Variants in CDH18 observed in about 807,000 individuals in gnomAD.
The protein encoded by CDH18 is cadherin 18, also known as cadherin-18.
A neutral mutation model predicts 67.9 loss-of-function variants in CDH18; 31 were observed. The observed-to-expected ratio is 0.46, with a 90% CI of 0.34 to 0.62. CDH18 has a LOEUF of 0.62. Among genes scored for constraint, CDH18 ranks in the 20% least tolerant of loss-of-function variants. The pLI, the probability that CDH18 is intolerant of heterozygous loss-of-function variation, is 0.01. For synonymous variants in CDH18, 362 were observed against 347.2 expected, an observed-to-expected ratio of 1.04 and a Z score of -0.48; for missense variants, 890 against 975.5, an observed-to-expected ratio of 0.91 and a Z score of 1.17.
intron 1 of CDH18, among the ~76,000 whole-genome samples, chr5:20,471,123 C>A (rs1266187074): frequency 6.6e-6 from 1 of 152,138 alleles, no homozygotes; most frequent in Non-Finnish European, 1.5e-5. Context: ...TCTATTGAAT[C>A]TATTTTTGTA....
In CDH18 at chr5:19,520,666, C is replaced by T. The variant is rs534335245; in HGVS notation, c.1503G>A (p.Lys501=). 1.4e-4 allele frequency: 222 copies of T among 1,610,280 alleles called. 3 individuals carry two copies. In the South Asian group the frequency reaches 2.2e-3, roughly 16 times the overall value. The change falls in exon 10 of 13, where the codon AAG becomes AAA. Residue 501 remains lysine, a synonymous_variant. Coordinates refer to ENST00000382275, the MANE Select transcript of CDH18 (RefSeq NM_004934.5). ...GAAACAATTAACTTACCTGGCCAGG[C>T]TTAGAATTTTCACATACAATAATAT... The part of the protein sequence containing the change: ...EYDIIVCENS[K]PGQVIHTISA...
In CDH18 at chr5:20,325,452, G is replaced by A. The variant is rs189668248; in HGVS notation, c.-579-69947C>T. On this transcript the variant is annotated intron_variant, in intron 1 of 14. Transcript: ENST00000507958. ...TCTTACATGTTAATTCAATGGAATGGCAAAATGACAGAAAATAAATAATCA... is the reference window on the plus strand; with the variant it reads ...TCTTACATGTTAATTCAATGGAATGACAAAATGACAGAAAATAAATAATCA... 5.3e-3 allele frequency among the ~76,000 whole-genome samples: 812 copies of A among 152,200 alleles called. 4 individuals are homozygous for A. Among genetic ancestry groups the A allele is most frequent in the Non-Finnish European group, 8.4e-3 (572 of 67,996 alleles).
intron 2 of CDH18, among the ~76,000 whole-genome samples, chr5:19,873,207 A>T (rs2150027548): frequency 6.6e-6 from 1 of 151,626 alleles, no homozygotes; most frequent in East Asian, 1.9e-4. Flanking sequence ...CTTCTGAGAA[A>T]AAAAAAAAAA....
intron 5 of CDH18, among the ~76,000 whole-genome samples, chr5:19,621,055 G>A (rs994792160): frequency 6.6e-6 from 1 of 152,082 alleles, no homozygotes; most frequent in African/African-American, 2.4e-5. Flanking sequence ...AAATTAAACT[G>A]TAGACTTTCA....
At chr5:19,825,856 C>T (rs10061838) in intron 3 of CDH18, among the ~76,000 whole-genome samples, 83,602 of 151,866 alleles carry the variant, frequency 0.55, 23,305 homozygotes, top group Middle Eastern at 0.68. Flanking sequence ...ACCATGGTTG[C>T]TTCCGGCAAG....
intron 5 of CDH18, among the ~76,000 whole-genome samples, chr5:19,702,714 T>C (rs1290973396): frequency 2.0e-5 from 3 of 151,954 alleles, no homozygotes; most frequent in African/African-American, 7.2e-5. Context: ...TTTCAGTGTG[T>C]TGGGAACAGG....
At chr5:20,186,614 C>G (rs1738121192) in intron 2 of CDH18, among the ~76,000 whole-genome samples, 1 of 151,836 alleles carries the variant, frequency 6.6e-6, no homozygotes, top group South Asian at 2.1e-4. Context: ...CACATATTAC[C>G]CGCTAGAATG....
intron 1 of CDH18, among the ~76,000 whole-genome samples, chr5:20,299,460 A>G (rs1021500870): frequency 4.6e-5 from 7 of 150,950 alleles, no homozygotes; most frequent in African/African-American, 1.5e-4. Flanking sequence ...AAAATGAGTC[A>G]TTCCAGCAGG....
rs552693851 is a variant in CDH18 at position 20,427,713 on chromosome 5, C to A, written c.-580+147749G>T. Among the ~76,000 whole-genome samples the A allele has an allele frequency of 8.6e-4, 130 of 151,084 alleles. 7 individuals carry two copies. The highest frequency in any genetic ancestry group is 2.9e-3 in the African/African-American group (117 of 40,480). ...TAAGCAGCATTTCTACTTATTCTTT[C>A]CACTGACTTTATAAGTGATTACGAT... On this transcript the variant is annotated intron_variant, in intron 1 of 14. Transcript: ENST00000507958.
At chr5:20,167,656 T>C (rs1424864790) in intron 2 of CDH18, among the ~76,000 whole-genome samples, 1 of 152,044 alleles carries the variant, frequency 6.6e-6, no homozygotes, top group Non-Finnish European at 1.5e-5. Context: ...ACAAAGGACT[T>C]TTTACAAAGA....
intron 4 of CDH18, among the ~76,000 whole-genome samples, chr5:19,725,077 C>A (rs368997294): frequency 6.6e-6 from 1 of 152,014 alleles, no homozygotes; most frequent in Non-Finnish European, 1.5e-5. Flanking sequence ...CAGGCGCCCG[C>A]CACCACGCCT....
rs748046872 is a variant in CDH18 at position 19,471,542 on chromosome 5, T to A, written c.*1684A>T. ...AAGGAAAAACTCCGGTGTCAACTAATTCCTATTTCATGTATTTAAGAATTT... is the reference window on the plus strand; with the variant it reads ...AAGGAAAAACTCCGGTGTCAACTAAATCCTATTTCATGTATTTAAGAATTT... On this transcript the variant is annotated 3_prime_UTR_variant, in exon 13 of 13. Transcript: ENST00000382275. Among the ~76,000 whole-genome samples, 1 of 152,118 alleles carries A rather than the reference T, an allele frequency of 6.6e-6. No individual in the cohort carries two copies. Among genetic ancestry groups the A allele is most frequent in the Non-Finnish European group, 1.5e-5 (1 of 67,998 alleles).
intron 9 of CDH18, among the ~76,000 whole-genome samples, chr5:19,532,581 G>A (rs948545141): frequency 1.3e-5 from 2 of 152,078 alleles, no homozygotes; most frequent in East Asian, 3.9e-4. Context: ...TTAGTAGTAT[G>A]TAGTATCACT....
chr5:19,614,227 T>G (rs1477442470), intron 5 of CDH18, among the ~76,000 whole-genome samples: 2 of 151,882 alleles, frequency 1.3e-5, no homozygotes, highest in Non-Finnish European at 2.9e-5. Context: ...TCTGAATTGA[T>G]TGGCTAAGTA....
intron 5 of CDH18, among the ~76,000 whole-genome samples, chr5:19,690,929 C>T (rs1012849000): frequency 2.3e-4 from 35 of 151,740 alleles, no homozygotes; most frequent in Admixed American, 2.0e-3. Flanking sequence ...TTATATGAGG[C>T]CAGCATTATT....
chr5:20,289,897 G>T (rs1746979197), intron 1 of CDH18, among the ~76,000 whole-genome samples: 1 of 152,026 alleles, frequency 6.6e-6, no homozygotes. Flanking sequence ...TATGTAGATA[G>T]CTGTGTCTGT....
chr5:20,274,350 C>T (rs1470961515), intron 1 of CDH18, among the ~76,000 whole-genome samples: 1 of 151,948 alleles, frequency 6.6e-6, no homozygotes, highest in Non-Finnish European at 1.5e-5. Flanking sequence ...AATAATTATA[C>T]TGAGTGAAAT....
intron 2 of CDH18, among the ~76,000 whole-genome samples, chr5:20,123,565 A>C (rs1368823476): frequency 6.6e-6 from 1 of 152,122 alleles, no homozygotes; most frequent in African/African-American, 2.4e-5. Flanking sequence ...TGCTACTGAC[A>C]ATTGCACGAA....
At chr5:20,575,707 T>C (rs912137048) in exon 1 of CDH18, 1 of 152,058 alleles carries the variant, frequency 6.6e-6, no homozygotes, top group Non-Finnish European at 1.5e-5. Context: ...GCAGTCACAG[T>C]AGTGATGCTA....
Sources: gnomAD v4.1 joint callset for allele counts (sites outside exome capture counted in the v4.1 genomes callset) on GRCh38, gnomAD v4.1.1 for gene constraint, MANE v1.5 for transcripts, NCBI Gene and HGNC (gene_info 2026-07-23, HGNC 2026-07-21) for gene names.